NRDC: variants seen among roughly 807,000 people sequenced by gnomAD.
NRDC encodes nardilysin.
NRDC carries 54 observed loss-of-function variants against 147.1 expected under a neutral mutation model. The ratio of observed to expected loss-of-function variants is 0.37; its 90% CI spans 0.29 to 0.46. NRDC has a LOEUF of 0.46. Ranked by LOEUF, NRDC falls within the 20% of genes least tolerant of loss-of-function variation. The probability of loss-of-function intolerance (pLI) is 1.00; values close to 1 mark genes in which losing one functional copy is unlikely to be tolerated. For missense variants in NRDC, 1,082 were observed against 1,370.6 expected (o/e 0.79, Z 3.33); for synonymous variants, 440 against 482.1 (o/e 0.91, Z 1.14).
intron 1 of NRDC, among the ~76,000 whole-genome samples, chr1:51,875,336 C>A (rs1302360893): frequency 1.3e-5 from 2 of 151,768 alleles, no homozygotes; most frequent in African/African-American, 4.8e-5. Flanking sequence ...TTCTAACCAA[C>A]CCCCTTCGTT....
intron 1 of NRDC, among the ~76,000 whole-genome samples, chr1:51,871,515 TAAAAAA>T (rs60495773): frequency 0.02 from 422 of 20,928 alleles, 1 homozygote; most frequent in African/African-American, 0.062. Flanking sequence ...ACTGGTTCAT[TAAAAAA>T]AAAAAAAAAA....
At chr1:51,861,152 G>A (rs1010131356) in intron 1 of NRDC, among the ~76,000 whole-genome samples, 8 of 151,470 alleles carry the variant, frequency 5.3e-5, no homozygotes, top group South Asian at 2.1e-4. Context: ...GTTTCACCAC[G>A]TTGGCCAGGC....
chr1:51,808,148 T>G (rs1679553421), intron 17 of NRDC, among the ~76,000 whole-genome samples: 1 of 151,900 alleles, frequency 6.6e-6, no homozygotes, highest in African/African-American at 2.4e-5. Flanking sequence ...GAAAGGGAGA[T>G]TCACATAACA....
At chr1:51,796,894 C>G (rs1678949158) in intron 22 of NRDC, among the ~76,000 whole-genome samples, 1 of 146,324 alleles carries the variant, frequency 6.8e-6, no homozygotes, top group African/African-American at 2.5e-5. Context: ...CCAATCTCAA[C>G]CATTTTTAAA....
intron 2 of NRDC, among the ~76,000 whole-genome samples, chr1:51,838,076 T>C (rs1681074749): frequency 6.6e-6 from 1 of 152,228 alleles, no homozygotes; most frequent in Admixed American, 6.5e-5. Context: ...TCGTGGGATC[T>C]TTCCTTTCAC....
At chr1:51,816,919 CAG>C (rs1280437840) in intron 10 of NRDC, among the ~76,000 whole-genome samples, 26 of 152,110 alleles carry the variant, frequency 1.7e-4, no homozygotes, top group Non-Finnish European at 3.2e-4. Context: ...TACTTACTCA[CAG>C]AGTTTTCATG....
rs768039002 is a variant in NRDC at position 51,792,374 on chromosome 1, T to TA, written c.2823+2dup. 2 of 1,614,060 alleles carry TA rather than the reference T, an allele frequency of 1.2e-6. No homozygotes were observed. The highest frequency in any genetic ancestry group is 1.7e-6 in the Non-Finnish European group (2 of 1,179,944). Reference sequence around the variant, plus strand: ...AACCTCAGCATCTCCTTTATGCACTTACCACAAGCAGCTCCATAAGCGTAT... The same window carrying TA: ...AACCTCAGCATCTCCTTTATGCACTTAACCACAAGCAGCTCCATAAGCGTAT... On this transcript the variant is annotated splice_region_variant and intron_variant, in intron 25 of 30. Coordinates refer to ENST00000352171, the MANE Select transcript of NRDC (RefSeq NM_001101662.2).
At chr1:51,852,131 T>C (rs1681981389) in intron 1 of NRDC, among the ~76,000 whole-genome samples, 1 of 152,172 alleles carries the variant, frequency 6.6e-6, no homozygotes, top group African/African-American at 2.4e-5. Context: ...TGTACTCCAT[T>C]TATGGCTGAC....
intron 1 of NRDC, among the ~76,000 whole-genome samples, chr1:51,845,358 C>T (rs1681501579): frequency 6.6e-6 from 1 of 152,096 alleles, no homozygotes; most frequent in Non-Finnish European, 1.5e-5. Context: ...TTCGGAAGGC[C>T]AAGGCGGGCA....
chr1:51,793,746 A>G (rs2149185694), intron 24 of NRDC, among the ~76,000 whole-genome samples: 1 of 152,374 alleles, frequency 6.6e-6, no homozygotes, highest in South Asian at 2.1e-4. Flanking sequence ...GGAACCCAAG[A>G]TAACAGCAGC....
Position 51,840,406 on chromosome 1 carries a change from C to T in NRDC, c.450G>A (p.Glu150=), listed in dbSNP as rs751453424. 3.4e-5 allele frequency: 54 copies of T among 1,576,930 alleles called. No homozygotes were observed. The highest frequency in any genetic ancestry group is 1.5e-4 in the African/African-American group (11 of 74,228). ...CTTCATCATCATCTTCTTCTTCTTC[C>T]TCCACCTCCTCTTCTTCTTCATCAT... ...TTDDEEEEEV[E]EEEEDDDEDS... The change falls in exon 2 of 31, where the codon GAG becomes GAA. Residue 150 remains glutamate (E), a synonymous_variant. Transcript: ENST00000352171.
chr1:51,878,701 G>A lies in NRDC; in HGVS notation c.-86C>T. On this transcript the variant is annotated 5_prime_UTR_variant, in exon 1 of 31. Transcript: ENST00000352171. ...AGAGGCGGTGGCGGCCGGCCCTGGTGCTGCCGCAGCCGCGGGGAACAGGCC... is the reference window on the plus strand; with the variant it reads ...AGAGGCGGTGGCGGCCGGCCCTGGTACTGCCGCAGCCGCGGGGAACAGGCC... 8.2e-7 allele frequency: 1 copy of A among 1,214,494 alleles called. No homozygotes were observed. Among genetic ancestry groups the A allele is most frequent in the Non-Finnish European group, 1.2e-6 (1 of 863,422 alleles). The allele number at this position is 1,214,494 out of a possible 1,614,324, so 75.2% of individuals were successfully genotyped here.
chr1:51,792,154 T>C, intron 25 of NRDC, 56 bp from the exon 26 acceptor site: 2 of 1,605,206 alleles, frequency 1.2e-6, no homozygotes, highest in Non-Finnish European at 1.7e-6. Flanking sequence ...GAAACCTCCA[T>C]TTCTCTCCCC....
At chr1:51,815,790 T>C (rs1040921649) in intron 11 of NRDC, 1 of 152,222 alleles carries the variant, frequency 6.6e-6, no homozygotes, top group Non-Finnish European at 1.5e-5. Flanking sequence ...GATTCTAAAA[T>C]TGTATTTCTA....
chr1:51,846,459 A>T (rs935594981), intron 1 of NRDC, among the ~76,000 whole-genome samples: 1 of 152,152 alleles, frequency 6.6e-6, no homozygotes, highest in Non-Finnish European at 1.5e-5. Flanking sequence ...TTGTGTCTGG[A>T]ATTGTTGGGT....
chr1:51,809,276 C>T (rs1260818023), intron 17 of NRDC, 39 bp downstream of exon 17: 4 of 1,350,940 alleles, frequency 3.0e-6, no homozygotes, highest in East Asian at 4.6e-5. Flanking sequence ...CCTATTAGCA[C>T]ATGGATGGAT....
At chr1:51,832,696 C>G (rs956462783) in intron 4 of NRDC, among the ~76,000 whole-genome samples, 1 of 151,970 alleles carries the variant, frequency 6.6e-6, no homozygotes, top group Non-Finnish European at 1.5e-5. Flanking sequence ...TACTATTGTA[C>G]TGACAAACTT....
chr1:51,811,220 T>C (rs1679698835), intron 15 of NRDC, among the ~76,000 whole-genome samples: 1 of 152,218 alleles, frequency 6.6e-6, no homozygotes, highest in Non-Finnish European at 1.5e-5. Context: ...ATTAATAGTT[T>C]AGGAACGTCT....
At chr1:51,841,669 T>G (rs1681273000) in intron 1 of NRDC, among the ~76,000 whole-genome samples, 1 of 152,142 alleles carries the variant, frequency 6.6e-6, no homozygotes, top group South Asian at 2.1e-4. Flanking sequence ...CCTTTACATA[T>G]CAGATATCAT....
Sources: allele counts gnomAD v4.1 joint callset (sites outside exome capture counted in the v4.1 genomes callset), GRCh38; gene constraint gnomAD v4.1.1; transcripts MANE v1.5; gene names NCBI Gene and HGNC (gene_info 2026-07-23, HGNC 2026-07-21).